Variants in DOK5 observed in about 807,000 individuals in gnomAD.
DOK5 encodes the protein downstream of tyrosine kinase 5.
DOK5 carries 27 observed loss-of-function variants against 43.3 expected under a neutral mutation model. The ratio of observed to expected loss-of-function variants is 0.62; its 90% CI spans 0.46 to 0.86. DOK5 has a LOEUF of 0.86. DOK5 is among the 40% of genes least tolerant of loss of function. The pLI, the probability that DOK5 is intolerant of heterozygous loss-of-function variation, is 0.00. For missense variants in DOK5, 373 were observed against 392.9 expected (o/e 0.95, Z 0.43); for synonymous variants, 146 against 140.1 (o/e 1.04, Z -0.30).
chr20:54,505,878 G>A (rs772505440), intron 1 of DOK5, among the ~76,000 whole-genome samples: 1 of 152,166 alleles, frequency 6.6e-6, no homozygotes, highest in Non-Finnish European at 1.5e-5. Flanking sequence ...AAGCCCGCTG[G>A]GTGGTGGAGA....
chr20:54,517,575 C>A (rs1325505046), intron 1 of DOK5, among the ~76,000 whole-genome samples: 1 of 152,002 alleles, frequency 6.6e-6, no homozygotes. Flanking sequence ...CTTTTATAGG[C>A]TTTATAATAA....
intron 1 of DOK5, among the ~76,000 whole-genome samples, chr20:54,526,788 C>G (rs140811920): frequency 1.3e-5 from 2 of 151,990 alleles, no homozygotes; most frequent in Admixed American, 6.6e-5. Context: ...TGTCTGTTTT[C>G]GAAAAGCAGT....
intron 1 of DOK5, among the ~76,000 whole-genome samples, chr20:54,553,117 T>G (rs1984583969): frequency 6.6e-6 from 1 of 152,236 alleles, no homozygotes; most frequent in African/African-American, 2.4e-5. Flanking sequence ...TCGAGGATAA[T>G]CATGACTGAA....
intron 6 of DOK5, among the ~76,000 whole-genome samples, chr20:54,615,620 G>T (rs1298861113): frequency 6.6e-6 from 1 of 152,124 alleles, no homozygotes; most frequent in African/African-American, 2.4e-5. Context: ...GTTAGAAAAG[G>T]CATAAAAACA....
At chr20:54,484,789 G>A (rs1252986349) in intron 1 of DOK5, among the ~76,000 whole-genome samples, 1 of 152,088 alleles carries the variant, frequency 6.6e-6, no homozygotes, top group African/African-American at 2.4e-5. Flanking sequence ...CAAGGCAGAA[G>A]GGCCACTTGA....
intron 1 of DOK5, among the ~76,000 whole-genome samples, chr20:54,536,472 T>C (rs6023347): frequency 0.017 from 2,632 of 152,238 alleles, 83 homozygotes; most frequent in African/African-American, 0.06. Flanking sequence ...GCTGAGACTA[T>C]AAAGCTGGGA....
intron 1 of DOK5, among the ~76,000 whole-genome samples, chr20:54,551,569 A>G (rs1984530303): frequency 6.6e-6 from 1 of 152,036 alleles, no homozygotes; most frequent in Non-Finnish European, 1.5e-5. Context: ...AGCTATTTTT[A>G]TATAAGGTGA....
intron 5 of DOK5, among the ~76,000 whole-genome samples, chr20:54,601,260 T>A (rs1180098526): frequency 2.0e-5 from 3 of 152,238 alleles, no homozygotes; most frequent in Non-Finnish European, 4.4e-5. Flanking sequence ...TTTCATCTTG[T>A]CAGAGATTAG....
chr20:54,596,405 T>C (rs1051359651), intron 5 of DOK5, among the ~76,000 whole-genome samples: 17 of 152,240 alleles, frequency 1.1e-4, no homozygotes, highest in Non-Finnish European at 2.1e-4. Context: ...GGAATCTTTC[T>C]TGGACAAAGT....
chr20:54,649,508 C>T (rs969537063), intron 7 of DOK5, among the ~76,000 whole-genome samples: 1 of 152,220 alleles, frequency 6.6e-6, no homozygotes, highest in Non-Finnish European at 1.5e-5. Context: ...GTTTCTTGTG[C>T]CTGCTTGATC....
chr20:54,614,688 G>A (rs376138681), intron 6 of DOK5, among the ~76,000 whole-genome samples: 1 of 152,146 alleles, frequency 6.6e-6, no homozygotes, highest in South Asian at 2.1e-4. Context: ...TTAATTTGCT[G>A]TATGCTTAAT....
At chr20:54,479,291 C>T (rs6098006) in intron 1 of DOK5, among the ~76,000 whole-genome samples, 26,576 of 151,942 alleles carry the variant, frequency 0.17, 3,631 homozygotes, top group African/African-American at 0.38. Context: ...ATCTGTATTC[C>T]CCAGCTTAAT....
intron 1 of DOK5, among the ~76,000 whole-genome samples, chr20:54,500,557 ATTT>A (rs545357915): frequency 8.7e-6 from 1 of 115,456 alleles, no homozygotes. Flanking sequence ...TACCCAGTGT[ATTT>A]TTTTTTTTTT....
chr20:54,603,940 ATT>A (rs35690531), intron 5 of DOK5, among the ~76,000 whole-genome samples: 856 of 76,256 alleles, frequency 0.011, 11 homozygotes, highest in African/African-American at 0.046. Context: ...TTCAAACTGT[ATT>A]TTTTTTTTTT....
intron 1 of DOK5, 67 bp downstream of exon 1, chr20:54,476,079 C>T (rs1981410952): frequency 1.3e-6 from 2 of 1,597,806 alleles, no homozygotes; most frequent in African/African-American, 1.3e-5. Context: ...GCCAGCATCC[C>T]TGGAGGGTGG....
intron 6 of DOK5, among the ~76,000 whole-genome samples, chr20:54,640,991 T>TA (rs1979086505): frequency 6.6e-6 from 1 of 152,214 alleles, no homozygotes; most frequent in South Asian, 2.1e-4. Context: ...AGGGATATGT[T>TA]AATTAGCTCA....
chr20:54,486,121 T>C (rs949959332), intron 1 of DOK5, among the ~76,000 whole-genome samples: 4 of 152,202 alleles, frequency 2.6e-5, no homozygotes, highest in Non-Finnish European at 2.9e-5. Context: ...GTTTTATAGT[T>C]TTATCTTTTA....
intron 5 of DOK5, among the ~76,000 whole-genome samples, chr20:54,603,065 TTAAGGAAAA>T (rs1986347389): frequency 6.6e-6 from 1 of 152,206 alleles, no homozygotes; most frequent in African/African-American, 2.4e-5. Context: ...ATATATTCGT[TTAAGGAAAA>T]TAAAGCAAGT....
intron 1 of DOK5, among the ~76,000 whole-genome samples, chr20:54,508,548 C>A (rs1390345050): frequency 6.6e-6 from 1 of 151,286 alleles, no homozygotes; most frequent in Non-Finnish European, 1.5e-5. Flanking sequence ...GAGGAGCTTG[C>A]AGGCTTTGGG....
Sources: gnomAD v4.1 joint callset for allele counts (sites outside exome capture counted in the v4.1 genomes callset) on GRCh38, gnomAD v4.1.1 for gene constraint, MANE v1.5 for transcripts, NCBI Gene and HGNC (gene_info 2026-07-23, HGNC 2026-07-21) for gene names.